The following DLG2 variants were observed in gnomAD, a reference collection of about 807,000 sequenced individuals.
DLG2 encodes disks large homolog 2.
DLG2 carries 45 observed loss-of-function variants against 132.5 expected under a neutral mutation model. That is an observed-to-expected ratio of 0.34 (90% CI 0.27 to 0.44). The LOEUF is 0.44. Among genes scored for constraint, DLG2 ranks in the 20% least tolerant of loss-of-function variants. The pLI is 1.00. For missense variants in DLG2, 1,045 were observed against 1,196.9 expected (o/e 0.87, Z 1.87); for synonymous variants, 424 against 419.6 (o/e 1.01, Z -0.13).
chr11:84,386,853 AAAAATATAGT>A (rs565643963), intron 7 of DLG2, among the ~76,000 whole-genome samples: 198 of 152,188 alleles, frequency 1.3e-3, no homozygotes, highest in African/African-American at 4.6e-3. Flanking sequence ...TGTAGGCCTG[AAAAATATAGT>A]ACTTCACCAG....
intron 9 of DLG2, among the ~76,000 whole-genome samples, chr11:84,119,894 C>T (rs1430036834): frequency 1.3e-5 from 2 of 152,182 alleles, no homozygotes; most frequent in East Asian, 3.9e-4. Context: ...AGAAAAATTC[C>T]TCTGATATGA....
At chr11:83,811,062 T>C (rs990012726) in intron 17 of DLG2, among the ~76,000 whole-genome samples, 49 of 152,160 alleles carry the variant, frequency 3.2e-4, no homozygotes, top group African/African-American at 1.0e-3. Flanking sequence ...AGGGAAAGAG[T>C]GTGGGTTTTG....
At chr11:83,602,021 A>G (rs768320615) in intron 19 of DLG2, among the ~76,000 whole-genome samples, 1 of 152,208 alleles carries the variant, frequency 6.6e-6, no homozygotes, top group South Asian at 2.1e-4. Flanking sequence ...TTCCTCAGGA[A>G]GAAGGATGAA....
At chr11:84,956,868 G>C (rs1325207870) in intron 6 of DLG2, among the ~76,000 whole-genome samples, 1 of 152,136 alleles carries the variant, frequency 6.6e-6, no homozygotes, top group Non-Finnish European at 1.5e-5. Flanking sequence ...TTATTTCCCT[G>C]CAAGTTTAAA....
intron 25 of DLG2, 72 bp from the exon 26 acceptor site, chr11:83,466,889 T>C: frequency 9.7e-7 from 1 of 1,028,118 alleles, no homozygotes; most frequent in East Asian, 2.4e-5. Flanking sequence ...AGGAAACTAA[T>C]GTATGTAGGT....
chr11:84,754,372 GT>G (rs2066578835), intron 6 of DLG2, among the ~76,000 whole-genome samples: 3 of 152,036 alleles, frequency 2.0e-5, no homozygotes, highest in Non-Finnish European at 1.5e-5. Flanking sequence ...TGAAGTGGAT[GT>G]TTTCTTTACT....
At chr11:83,745,962 C>A (rs1044737473) in intron 18 of DLG2, among the ~76,000 whole-genome samples, 9 of 152,110 alleles carry the variant, frequency 5.9e-5, no homozygotes, top group East Asian at 1.9e-4. Flanking sequence ...ATGCAGCCAA[C>A]AGACACATGA....
intron 3 of DLG2, among the ~76,000 whole-genome samples, chr11:85,564,137 G>GT (rs555486001): frequency 1.3e-5 from 2 of 151,984 alleles, no homozygotes; most frequent in Non-Finnish European, 2.9e-5. Context: ...TTCTACAGTT[G>GT]TAAGACTTCT....
rs1255772913 is a variant in DLG2 at position 85,190,859 on chromosome 11, G to A, written c.187-36208C>T. On this transcript the variant is annotated intron_variant, in intron 4 of 27. Transcript: ENST00000376104. ...ATTATTAAAAATTCAGAAAATGACAGATGTTGGTGATGTTGTGAAGAAAAG... is the reference window on the plus strand; with the variant it reads ...ATTATTAAAAATTCAGAAAATGACAAATGTTGGTGATGTTGTGAAGAAAAG... Among the ~76,000 whole-genome samples the A allele has an allele frequency of 2.6e-5, 4 of 152,184 alleles. No homozygotes were observed. In the East Asian group the frequency reaches 7.7e-4, roughly 29 times the overall value.
chr11:83,759,987 A>G (rs1447571124), intron 18 of DLG2, among the ~76,000 whole-genome samples: 4 of 152,206 alleles, frequency 2.6e-5, no homozygotes, highest in Admixed American at 1.3e-4. Flanking sequence ...ATAATATTCA[A>G]TATGGTTTGT....
Position 83,459,535 on chromosome 11 carries a change from A to T in DLG2, c.*283T>A, listed in dbSNP as rs1040792401. 7.7e-6 allele frequency: 2 copies of T among 259,338 alleles called. No homozygotes were observed. The highest frequency in any genetic ancestry group is 4.4e-5 in the African/African-American group (2 of 45,418). The allele number at this position is 259,338 out of a possible 1,614,324, so 16.1% of individuals were successfully genotyped here. ...CATCTGCTGGGGTGAGGAGGCTCTC[A>T]TCTCATCTCTTGGGCAGAAAGCCCG... On this transcript the variant is annotated 3_prime_UTR_variant, in exon 28 of 28. Coordinates refer to ENST00000376104, the MANE Select transcript of DLG2 (RefSeq NM_001142699.3).
chr11:85,453,799 T>G (rs2092331477), intron 3 of DLG2: 1 of 152,092 alleles, frequency 6.6e-6, no homozygotes, highest in African/African-American at 2.4e-5. Context: ...TAAATTTTAT[T>G]TGGGTTTAGG....
chr11:85,150,699 AGTGTGTGTGTGTGTGT>A (rs71036459), intron 5 of DLG2, among the ~76,000 whole-genome samples: 104 of 127,348 alleles, frequency 8.2e-4, no homozygotes, highest in Admixed American at 1.2e-3. Flanking sequence ...AAGGCTACAT[AGTGTGTGTGTGTGTGT>A]GTGTGTGTGT....
chr11:85,466,906 G>T (rs1414414939), intron 3 of DLG2, among the ~76,000 whole-genome samples: 1 of 152,094 alleles, frequency 6.6e-6, no homozygotes, highest in Non-Finnish European at 1.5e-5. Flanking sequence ...TGGGCAGTAT[G>T]GTCATTTTCA....
intron 5 of DLG2, among the ~76,000 whole-genome samples, chr11:85,135,361 A>G (rs11822292): frequency 6.6e-6 from 1 of 152,244 alleles, no homozygotes; most frequent in African/African-American, 2.4e-5. Context: ...AGAGACAGTC[A>G]GAATGGAGAC....
chr11:84,365,929 C>T (rs1413253842), intron 7 of DLG2, among the ~76,000 whole-genome samples: 2 of 151,984 alleles, frequency 1.3e-5, no homozygotes, highest in East Asian at 3.9e-4. Flanking sequence ...TCTAGCAAGG[C>T]AGGCCAACAT....
chr11:83,792,120 T>C (rs1183045764), intron 17 of DLG2, among the ~76,000 whole-genome samples: 1 of 152,228 alleles, frequency 6.6e-6, no homozygotes, highest in East Asian at 1.9e-4. Context: ...ATGTTATGGA[T>C]GTCCCAGCAC....
chr11:85,439,947 G>T (rs1260252243), intron 3 of DLG2, among the ~76,000 whole-genome samples: 2 of 152,080 alleles, frequency 1.3e-5, no homozygotes, highest in Non-Finnish European at 2.9e-5. Flanking sequence ...CTAGATAGAG[G>T]TATTTTATTT....
intron 6 of DLG2, among the ~76,000 whole-genome samples, chr11:84,755,969 G>T (rs528907120): frequency 6.6e-6 from 1 of 152,132 alleles, no homozygotes; most frequent in Admixed American, 6.5e-5. Flanking sequence ...CTAATAGAAT[G>T]ACTGGCGTAC....
Sources: allele counts gnomAD v4.1 joint callset (sites outside exome capture counted in the v4.1 genomes callset), GRCh38; gene constraint gnomAD v4.1.1; transcripts MANE v1.5; gene names NCBI Gene and HGNC (gene_info 2026-07-23, HGNC 2026-07-21).